MYL7: variants seen among roughly 807,000 people sequenced by gnomAD.
MYL7 encodes the protein myosin light chain 7, also known as myosin regulatory light chain 2, atrial isoform.
In MYL7, 27 loss-of-function variants were observed where a neutral mutation model predicts 22.5. The observed-to-expected ratio is 1.20, with a 90% CI of 0.89 to 1.66. MYL7 has a LOEUF of 1.66. Ranked by LOEUF, MYL7 falls within the 40% of genes most tolerant of loss-of-function variation. The pLI, the probability that MYL7 is intolerant of heterozygous loss-of-function variation, is 0.00. For missense variants in MYL7, 209 were observed against 226.8 expected (o/e 0.92, Z 0.50); for synonymous variants, 81 against 84.4 (o/e 0.96, Z 0.22).
At chr7:44,140,836 G>GGTGGGAGGTGGGGGAGAGAC in intron 2 of MYL7, 49 bp from the exon 3 acceptor site, 1 of 1,607,046 alleles carries the variant, frequency 6.2e-7, no homozygotes, top group Non-Finnish European at 8.5e-7. Flanking sequence ...CTCTAGGGAA[G>GGTGGGAGGTGGGGGAGAGAC]GTGGGAGGTG....
Position 44,141,323 on chromosome 7 carries a change from G to T in MYL7, c.-18C>A. 6.2e-7 allele frequency: 1 copy of T among 1,611,706 alleles called. No homozygotes were observed. Among genetic ancestry groups the T allele is most frequent in the Non-Finnish European group, 8.5e-7 (1 of 1,179,020 alleles). On this transcript the variant is annotated 5_prime_UTR_variant, in exon 1 of 7. Coordinates refer to ENST00000223364, the MANE Select transcript of MYL7 (RefSeq NM_021223.3). ...CTCACCATTCTCTCTGCAGAGGTGTGGCTGCTGTCGTGGTGGCAGGGCCCA... is the reference window on the plus strand; with the variant it reads ...CTCACCATTCTCTCTGCAGAGGTGTTGCTGCTGTCGTGGTGGCAGGGCCCA...
chr7:44,139,590 G>C (rs779967809), intron 5 of MYL7, 21 bp from the exon 6 acceptor site: 3 of 1,598,050 alleles, frequency 1.9e-6, no homozygotes, highest in East Asian at 4.5e-5. Flanking sequence ...AGGAGGGTCT[G>C]AGCAGGAGAC....
In MYL7 at chr7:44,139,008, G is replaced by C; in HGVS notation, c.441C>G (p.Phe147Leu). The C allele has an allele frequency of 1.2e-6, 2 of 1,614,012 alleles. No individual in the cohort carries two copies. Among genetic ancestry groups the C allele is most frequent in the African/African-American group, 1.3e-5 (1 of 75,038 alleles). ...KFSPAEVEQM[F>L]ALTPMDLAGN... ...CCGCCAGGTCCATGGGTGTCAGGGCGAACATCTGCTCCACCTGCAGGGGAC... is the reference window on the plus strand; with the variant it reads ...CCGCCAGGTCCATGGGTGTCAGGGCCAACATCTGCTCCACCTGCAGGGGAC... Residue 147 changes from phenylalanine (F) to leucine (L), a missense_variant, in exon 7 of 7, where the codon TTC becomes TTG. Physicochemically the swap from Phe to Leu is conservative, Grantham distance 22. Coordinates refer to ENST00000223364, the MANE Select transcript of MYL7 (RefSeq NM_021223.3).
intron 4 of MYL7, 74 bp downstream of exon 4, chr7:44,140,227 AGGTTCAGGTGGGGTTCAGGCAG>A (rs2096263578): frequency 1.1e-5 from 11 of 1,010,490 alleles, no homozygotes; most frequent in Middle Eastern, 2.1e-4. Flanking sequence ...GGTTCATGTA[AGGTTCAGGTGGGGTTCAGGCAG>A]GGTTCAGGTG....
At chr7:44,139,085 C>T in intron 6 of MYL7, 63 bp from the exon 7 acceptor site, 1 of 1,312,976 alleles carries the variant, frequency 7.6e-7, no homozygotes, top group Non-Finnish European at 1.1e-6. Context: ...AGAGACCTCA[C>T]CTGAGTCCTG....
In MYL7 at chr7:44,140,708, G is replaced by A. The variant is rs376578987; in HGVS notation, c.193+4C>T. On this transcript the variant is annotated splice_donor_region_variant and intron_variant, in intron 3 of 6. Coordinates refer to ENST00000223364, the MANE Select transcript of MYL7 (RefSeq NM_021223.3). ...TGCGCAGGGTGGGAGGTGGGTGCACGCACCCAGCTGGGAGTAGGTCTCCCT... is the reference window on the plus strand; with the variant it reads ...TGCGCAGGGTGGGAGGTGGGTGCACACACCCAGCTGGGAGTAGGTCTCCCT... 314 of 1,600,060 alleles carry A rather than the reference G, an allele frequency of 2.0e-4. No homozygotes were observed. Among genetic ancestry groups the A allele is most frequent in the Non-Finnish European group, 2.5e-4 (295 of 1,173,250 alleles).
intron 6 of MYL7, 60 bp downstream of exon 6, chr7:44,139,461 A>T (rs756887408): frequency 6.4e-7 from 1 of 1,573,512 alleles, no homozygotes; most frequent in Admixed American, 1.7e-5. Flanking sequence ...GCTCTGGGTC[A>T]TGGGTGAAGG....
At chr7:44,140,540 G>A in intron 3 of MYL7, 113 bp from the exon 4 acceptor site, 1 of 1,172,964 alleles carries the variant, frequency 8.5e-7, no homozygotes, top group Non-Finnish European at 1.2e-6. Flanking sequence ...AGGCAGCTGT[G>A]GGTCGGGAAG....
chr7:44,141,241 C>A (rs1180344513), intron 1 of MYL7, 62 bp downstream of exon 1: 3 of 1,613,154 alleles, frequency 1.9e-6, no homozygotes, highest in Non-Finnish European at 2.5e-6. Context: ...AAACTCTGCT[C>A]CCCCAGCCCA....
At chr7:44,139,261 A>G (rs545460591) in intron 6 of MYL7, among the ~76,000 whole-genome samples, 1 of 152,332 alleles carries the variant, frequency 6.6e-6, no homozygotes, top group East Asian at 1.9e-4. Flanking sequence ...CCACAGGCAC[A>G]GGCCCACCCC....
chr7:44,140,737 G>A lies in MYL7; in HGVS notation c.168C>T (p.Asp56=). 1 of 1,612,092 alleles carries A rather than the reference G, an allele frequency of 6.2e-7. No homozygotes were observed. Among genetic ancestry groups the A allele is most frequent in the African/African-American group, 1.3e-5 (1 of 74,984 alleles). ...QNRDGIICKA[D]LRETYSQLGK... is the part of the protein sequence containing the mutation. Reference sequence around the variant, plus strand: ...CCAGCTGGGAGTAGGTCTCCCTCAGGTCTGCCTTGCAGATGATGCCATCAC... The same window carrying A: ...CCAGCTGGGAGTAGGTCTCCCTCAGATCTGCCTTGCAGATGATGCCATCAC... Residue 56 remains aspartate, a synonymous_variant, in exon 3 of 7, where the codon GAC becomes GAT. Transcript: ENST00000223364.
At chr7:44,140,450 T>G in intron 3 of MYL7, 23 bp from the exon 4 acceptor site, 2 of 1,589,554 alleles carry the variant, frequency 1.3e-6, no homozygotes, top group Non-Finnish European at 1.7e-6. Flanking sequence ...GGGCATGAGG[T>G]GCACACAGGG....
intron 4 of MYL7, 45 bp from the exon 5 acceptor site, chr7:44,139,905 C>A (rs1013764769): frequency 6.5e-7 from 1 of 1,547,380 alleles, no homozygotes; most frequent in African/African-American, 1.4e-5. Flanking sequence ...TCTCCAGCAT[C>A]CCAGGTCCCC....
chr7:44,139,499 T>C, intron 6 of MYL7, 22 bp downstream of exon 6: 3 of 1,613,554 alleles, frequency 1.9e-6, no homozygotes, highest in Middle Eastern at 1.6e-4. Context: ...GGATGAGTAT[T>C]GAAGGGGCTG....
rs772856869 is a variant in MYL7, at chr7:44,138,901, C to T, written c.*20G>A. On this transcript the variant is annotated 3_prime_UTR_variant, in exon 7 of 7. Coordinates refer to ENST00000223364, the MANE Select transcript of MYL7 (RefSeq NM_021223.3). ...AACAGAGTTTATTGAGGTGCCCCCC[C>T]GTGGGCCTGGCCCTGCCCCTCATTC... The T allele has an allele frequency of 1.1e-5, 17 of 1,601,798 alleles. No homozygotes were observed. The highest frequency in any genetic ancestry group is 9.4e-5 in the African/African-American group (7 of 74,652).
At chr7:44,140,491 GCCCT>G in intron 3 of MYL7, 64 bp from the exon 4 acceptor site, 1 of 1,419,878 alleles carries the variant, frequency 7.0e-7, no homozygotes, top group Non-Finnish European at 9.8e-7. Flanking sequence ...GGCCCAGGCC[GCCCT>G]CCCTCCATCC....
At position 44,141,061 on chromosome 7, in the gene MYL7, G is replaced by C. The variant is rs200363146; in HGVS notation, c.17C>G (p.Ala6Gly). MASRK[A>G]GTRGKVAATK... ...GGCTGCCACCTTGCCCCGGGTCCCC[G>C]CCTTCCTGCTGGCCTGCAACACTGT... is the stretch of plus-strand genomic sequence containing the variant. Residue 6 changes from alanine (A) to glycine (G), a missense_variant, in exon 2 of 7, where the codon GCG becomes GGG. Coordinates refer to ENST00000223364, the MANE Select transcript of MYL7 (RefSeq NM_021223.3). 1 of 1,613,776 alleles carries C rather than the reference G, an allele frequency of 6.2e-7. No individual in the cohort carries two copies. The highest frequency in any genetic ancestry group is 8.5e-7 in the Non-Finnish European group (1 of 1,179,936).
At position 44,139,887 on chromosome 7, in the gene MYL7, C is replaced by T. The variant is rs552597761; in HGVS notation, c.299-27G>A. 3.8e-6 allele frequency: 6 copies of T among 1,583,518 alleles called. No individual in the cohort carries two copies. In the African/African-American group the frequency reaches 6.8e-5, roughly 18 times the overall value. On this transcript the variant is annotated intron_variant, in intron 4 of 6. Transcript: ENST00000223364. ...TGGAAGGCCGAGGCAGCCAGGTGAG[C>T]ATCCATGTCTCCAGCATCCCAGGTC...
rs1213482163 is a variant in MYL7, at chr7:44,141,317, AGGTGT to A, written c.-17_-13del. The A allele has an allele frequency of 6.2e-7, 1 of 1,613,002 alleles. No individual in the cohort carries two copies. The highest frequency in any genetic ancestry group is 2.2e-5 in the East Asian group (1 of 44,866). On this transcript the variant is annotated 5_prime_UTR_variant, in exon 1 of 7. Coordinates refer to ENST00000223364, the MANE Select transcript of MYL7 (RefSeq NM_021223.3). ...CAGGCACTCACCATTCTCTCTGCAG[AGGTGT>A]GGCTGCTGTCGTGGTGGCAGGGCCC...
Sources: gnomAD v4.1 joint callset for allele counts (sites outside exome capture counted in the v4.1 genomes callset) on GRCh38, gnomAD v4.1.1 for gene constraint, MANE v1.5 for transcripts, NCBI Gene and HGNC (gene_info 2026-07-23, HGNC 2026-07-21) for gene names.